Variants in UGT2B17 observed in about 807,000 individuals in gnomAD.
UGT2B17 encodes the protein UDP glucuronosyltransferase family 2 member B17.
Under a neutral mutation model 48.2 loss-of-function variants are expected in UGT2B17, and 21 were observed. The observed-to-expected ratio is 0.44, with a 90% CI of 0.31 to 0.63. The LOEUF (loss-of-function observed/expected upper bound fraction) is 0.63, where lower values mean the gene tolerates loss of function less well. UGT2B17 is among the 20% of genes least tolerant of loss of function. The probability of loss-of-function intolerance (pLI) is 0.08; values close to 1 mark genes in which losing one functional copy is unlikely to be tolerated. For synonymous variants in UGT2B17, 146 were observed against 238.4 expected, an observed-to-expected ratio of 0.61 and a Z score of 3.57; for missense variants, 402 against 696.1, an observed-to-expected ratio of 0.58 and a Z score of 4.75.
chr4:68,574,457 G>T (rs1405357480), intron 1 of UGT2B17, among the ~76,000 whole-genome samples: 1 of 126,634 alleles, frequency 7.9e-6, no homozygotes, highest in Middle Eastern at 3.6e-3. Flanking sequence ...TAAAGAGCAG[G>T]TTGATGCTTT....
Position 68,569,634 on chromosome 4 carries a change from C to T in UGT2B17, c.-64-1086G>A, listed in dbSNP as rs182540451. On this transcript the variant is annotated intron_variant, in intron 1 of 6. Coordinates refer to ENST00000317746, the MANE Select transcript of UGT2B17 (RefSeq NM_001077.4). The stretch of plus-strand genomic sequence containing the variant: ...TCCCAAGATGCAAGGCTGCTTGCAT[C>T]AGCAGCGTGTGTCAGCAAGATAGCA... 1.6e-5 allele frequency among the ~76,000 whole-genome samples: 2 copies of T among 125,484 alleles called. 1 individual carries two copies. The highest frequency in any genetic ancestry group is 1.5e-3 in the East Asian group (2 of 1,298). The allele number at this position is 125,484 out of a possible 152,430, so 82.3% of individuals were successfully genotyped here.
Position 68,567,271 on chromosome 4 carries a change from A to C in UGT2B17, c.724+490T>G, listed in dbSNP as rs1381715127. On this transcript the variant is annotated intron_variant, in intron 2 of 6. Coordinates refer to ENST00000317746, the MANE Select transcript of UGT2B17 (RefSeq NM_001077.4). ...TTTTAGGCTTCTGTTTCTGGAGTAG[A>C]GCCACTATATTTCTCAACTGTGAAG... Among the ~76,000 whole-genome samples the C allele has an allele frequency of 1.6e-5, 2 of 126,204 alleles. 1 individual carries two copies. The highest frequency in any genetic ancestry group is 3.4e-5 in the Non-Finnish European group (2 of 59,606). The allele number at this position is 126,204 out of a possible 152,430, so 82.8% of individuals were successfully genotyped here.
At position 68,547,680 on chromosome 4, in the gene UGT2B17, A is replaced by G. The variant is rs1426121299; in HGVS notation, c.1313+2997T>C. ...AACATTTTTGCAATCTACTCATCTG[A>G]CAAAGGGCTAATATCCAGAATCTAC... On this transcript the variant is annotated intron_variant, in intron 6 of 6. Transcript: ENST00000317746. Among the ~76,000 whole-genome samples the G allele has an allele frequency of 1.6e-4, 20 of 124,860 alleles. 3 individuals are homozygous for G. The highest frequency in any genetic ancestry group is 5.4e-4 in the African/African-American group (20 of 36,842). The allele number at this position is 124,860 out of a possible 152,430, so 81.9% of individuals were successfully genotyped here. A position where few individuals can be genotyped will look rare whatever the true frequency, so the allele number is the denominator to read the frequency against.
chr4:68,546,276 C>A (rs1730803880), intron 6 of UGT2B17, among the ~76,000 whole-genome samples: 1 of 126,162 alleles, frequency 7.9e-6, no homozygotes, highest in African/African-American at 2.7e-5. Context: ...TCAACGTACA[C>A]AAATCAATGA....
chr4:68,564,294 A>ATATATATATATATT lies in UGT2B17; in HGVS notation c.873+1277_873+1278insAATATATATATATA, dbSNP rs1366181355. ...ATTTCATATATATATATATATATAT[A>ATATATATATATATT]TTTTTTTTTTTTGAGACAGAGTCTC... On this transcript the variant is annotated intron_variant, in intron 3 of 6. Coordinates refer to ENST00000317746, the MANE Select transcript of UGT2B17 (RefSeq NM_001077.4). 1.1e-3 allele frequency among the ~76,000 whole-genome samples: 83 copies of ATATATATATATATT among 75,758 alleles called. 6 individuals carry two copies. Among genetic ancestry groups the ATATATATATATATT allele is most frequent in the Non-Finnish European group, 1.6e-3 (68 of 42,728 alleles). The allele number at this position is 75,758 out of a possible 152,430, so 49.7% of individuals were successfully genotyped here.
intron 5 of UGT2B17, 40 bp downstream of exon 5, chr4:68,551,784 T>C: frequency 8.7e-7 from 1 of 1,154,500 alleles, no homozygotes; most frequent in East Asian, 9.1e-5. Flanking sequence ...TCTAATTGGC[T>C]GTTACTAATA....
chr4:68,575,216 T>C, intron 1 of UGT2B17, among the ~76,000 whole-genome samples: 1 of 100,568 alleles, frequency 9.9e-6, no homozygotes, highest in African/African-American at 3.4e-5. Flanking sequence ...TGCTGGTCTT[T>C]CCTTGCCTCT....
Position 68,564,294 on chromosome 4 carries a change from A to ATATTTTT in UGT2B17, c.873+1277_873+1278insAAAAATA, listed in dbSNP as rs1366181355. On this transcript the variant is annotated intron_variant, in intron 3 of 6. Coordinates refer to ENST00000317746, the MANE Select transcript of UGT2B17 (RefSeq NM_001077.4). ...ATTTCATATATATATATATATATAT[A>ATATTTTT]TTTTTTTTTTTTGAGACAGAGTCTC... Among the ~76,000 whole-genome samples the ATATTTTT allele has an allele frequency of 9.6e-3, 728 of 75,734 alleles. 85 individuals carry two copies. The highest frequency in any genetic ancestry group is 0.042 in the East Asian group (22 of 526). The allele number at this position is 75,734 out of a possible 152,430, so 49.7% of individuals were successfully genotyped here.
At chr4:68,565,429 G>C in intron 3 of UGT2B17, 143 bp downstream of exon 3, 1 of 754,048 alleles carries the variant, frequency 1.3e-6, no homozygotes. Flanking sequence ...TGATAGTATA[G>C]AAATATATGA....
chr4:68,575,322 G>C (rs1374938070), intron 1 of UGT2B17, among the ~76,000 whole-genome samples: 4 of 121,574 alleles, frequency 3.3e-5, no homozygotes, highest in African/African-American at 1.1e-4. Context: ...ACAGAACCTG[G>C]TCTGGGTGCC....
At position 68,550,265 on chromosome 4, in the gene UGT2B17, C is replaced by A. The variant is rs1340686847; in HGVS notation, c.1313+412G>T. Among the ~76,000 whole-genome samples the A allele has an allele frequency of 4.8e-5, 6 of 124,198 alleles. 2 individuals are homozygous for A. Among genetic ancestry groups the A allele is most frequent in the African/African-American group, 1.6e-4 (6 of 36,584 alleles). The allele number at this position is 124,198 out of a possible 152,430, so 81.5% of individuals were successfully genotyped here. A position where few individuals can be genotyped will look rare whatever the true frequency, so the allele number is the denominator to read the frequency against. On this transcript the variant is annotated intron_variant, in intron 6 of 6. Coordinates refer to ENST00000317746, the MANE Select transcript of UGT2B17 (RefSeq NM_001077.4). ...GAATGTTATGCTATGCAAATTGTAA[C>A]TCATTTTCAAATTGATTAAAATAAT...
intron 6 of UGT2B17, among the ~76,000 whole-genome samples, chr4:68,550,016 C>T (rs764404647): frequency 8.0e-6 from 1 of 124,492 alleles, no homozygotes; most frequent in African/African-American, 2.7e-5. Context: ...TGAAAGAAGT[C>T]GTTTACAAAA....
At chr4:68,542,574 G>T (rs1199437790) in intron 6 of UGT2B17, among the ~76,000 whole-genome samples, 1 of 126,126 alleles carries the variant, frequency 7.9e-6, no homozygotes, top group Non-Finnish European at 1.7e-5. Context: ...ATCTCCCAGG[G>T]GACTGTCAGA....
intron 1 of UGT2B17, among the ~76,000 whole-genome samples, chr4:68,575,654 A>G (rs1731361972): frequency 7.9e-6 from 1 of 126,150 alleles, no homozygotes; most frequent in Non-Finnish European, 1.7e-5. Flanking sequence ...CCAAACCAAA[A>G]TCAAAACCAA....
At chr4:68,547,556 A>C (rs1355381589) in intron 6 of UGT2B17, among the ~76,000 whole-genome samples, 1 of 125,338 alleles carries the variant, frequency 8.0e-6, no homozygotes, top group African/African-American at 2.7e-5. Context: ...AATGGCAACA[A>C]AAGCCAAAAT....
Position 68,554,202 on chromosome 4 carries a change from T to C in UGT2B17, c.1006-2291A>G, listed in dbSNP as rs1458966599. 1.1e-4 allele frequency among the ~76,000 whole-genome samples: 13 copies of C among 123,638 alleles called. 1 individual carries two copies. The highest frequency in any genetic ancestry group is 3.0e-4 in the African/African-American group (11 of 36,154). 81.1% of individuals were successfully genotyped at this position (123,638 alleles called of 152,430 possible). ...GCAGCACACATTGATTCACCACACATAAACCCTAGGCCACAGCTCAGTTCC... is the reference window on the plus strand; with the variant it reads ...GCAGCACACATTGATTCACCACACACAAACCCTAGGCCACAGCTCAGTTCC... On this transcript the variant is annotated intron_variant, in intron 4 of 6. Coordinates refer to ENST00000317746, the MANE Select transcript of UGT2B17 (RefSeq NM_001077.4).
chr4:68,559,061 G>C (rs1275875441), intron 4 of UGT2B17, among the ~76,000 whole-genome samples: 2 of 125,252 alleles, frequency 1.6e-5, no homozygotes, highest in Non-Finnish European at 3.4e-5. Context: ...TAGCAAATTA[G>C]TAATAACCTA....
At chr4:68,568,993 C>G (rs1274127003) in intron 1 of UGT2B17, among the ~76,000 whole-genome samples, 1 of 137,720 alleles carries the variant, frequency 7.3e-6, no homozygotes, top group Non-Finnish European at 1.6e-5. Flanking sequence ...ACCCCCCACT[C>G]TGAAATTTTG....
At chr4:68,563,506 A>G (rs1282012132) in intron 3 of UGT2B17, among the ~76,000 whole-genome samples, 1 of 126,476 alleles carries the variant, frequency 7.9e-6, no homozygotes, top group Non-Finnish European at 1.7e-5. Flanking sequence ...GCTACTTGGG[A>G]GTCTGAGGCA....
Sources: allele counts gnomAD v4.1 joint callset (sites outside exome capture counted in the v4.1 genomes callset), GRCh38; gene constraint gnomAD v4.1.1; transcripts MANE v1.5; gene names NCBI Gene and HGNC (gene_info 2026-07-23, HGNC 2026-07-21).